The following RUNDC3B variants were observed in gnomAD, a reference collection of about 807,000 sequenced individuals.
RUNDC3B encodes the protein RUN domain containing 3B, also known as RUN domain-containing protein 3B.
In RUNDC3B, 33 loss-of-function variants were observed where a neutral mutation model predicts 58.4. The observed-to-expected ratio is 0.56, with a 90% CI of 0.43 to 0.75. RUNDC3B has a LOEUF of 0.75. Ranked by LOEUF, RUNDC3B falls within the 30% of genes least tolerant of loss-of-function variation. The pLI, the probability that RUNDC3B is intolerant of heterozygous loss-of-function variation, is 0.00. For synonymous variants in RUNDC3B, 193 were observed against 195.2 expected, an observed-to-expected ratio of 0.99 and a Z score of 0.10; for missense variants, 501 against 535.7, an observed-to-expected ratio of 0.94 and a Z score of 0.64.
intron 2 of RUNDC3B, among the ~76,000 whole-genome samples, chr7:87,681,007 G>A (rs1386636893): frequency 6.7e-6 from 1 of 150,122 alleles, no homozygotes; most frequent in Non-Finnish European, 1.5e-5. Flanking sequence ...AAATGAGAAA[G>A]GATACAAATT....
rs938378776 is a variant in RUNDC3B at position 87,710,212 on chromosome 7, G to A, written c.373-358G>A. On this transcript the variant is annotated intron_variant, in intron 3 of 10. Transcript: ENST00000394654. Reference sequence around the variant, plus strand: ...CTCTGTTTTTCATGATTTATGAGAGGGCTCATTTTAATTAGTTTGTTGATT... The same window carrying A: ...CTCTGTTTTTCATGATTTATGAGAGAGCTCATTTTAATTAGTTTGTTGATT... Among the ~76,000 whole-genome samples the A allele has an allele frequency of 2.2e-4, 33 of 151,940 alleles. 2 individuals carry two copies. The highest frequency in any genetic ancestry group is 1.5e-5 in the Non-Finnish European group (1 of 67,968).
At chr7:87,642,984 T>C (rs1563096894) in intron 1 of RUNDC3B, among the ~76,000 whole-genome samples, 1 of 152,150 alleles carries the variant, frequency 6.6e-6, no homozygotes, top group Non-Finnish European at 1.5e-5. Flanking sequence ...CGCATGACCA[T>C]AGCCCACTGT....
At chr7:87,721,820 C>T (rs566404511) in intron 4 of RUNDC3B, among the ~76,000 whole-genome samples, 1 of 151,684 alleles carries the variant, frequency 6.6e-6, no homozygotes, top group African/African-American at 2.4e-5. Flanking sequence ...TCTCTGATCT[C>T]ATCTGTTTCT....
At chr7:87,660,281 T>C (rs939414183) in intron 2 of RUNDC3B, among the ~76,000 whole-genome samples, 2 of 152,132 alleles carry the variant, frequency 1.3e-5, no homozygotes, top group African/African-American at 4.8e-5. Flanking sequence ...TAATTCACTT[T>C]ATGCTTTCAA....
intron 2 of RUNDC3B, among the ~76,000 whole-genome samples, chr7:87,690,651 C>T (rs977454332): frequency 1.1e-4 from 17 of 152,046 alleles, no homozygotes; most frequent in South Asian, 2.1e-4. Flanking sequence ...TCTGTTGCTT[C>T]GCTGAAAAAT....
chr7:87,710,623 C>T lies in RUNDC3B; in HGVS notation c.426C>T (p.Ile142=). 4 of 1,600,670 alleles carry T rather than the reference C, an allele frequency of 2.5e-6. No individual in the cohort carries two copies. Among genetic ancestry groups the T allele is most frequent in the Non-Finnish European group, 3.4e-6 (4 of 1,171,500 alleles). ...TGGAAAAACATTTATCTGAATACAT[C>T]TCTACAGCTCTGAGAGACTTCAAAA... ...ALMEKHLSEY[I]STALRDFKTT... The change falls in exon 4 of 11, where the codon ATC becomes ATT. Residue 142 remains isoleucine, a synonymous_variant. Transcript: ENST00000394654.
chr7:87,708,253 T>G (rs1170233532), intron 3 of RUNDC3B, among the ~76,000 whole-genome samples: 1 of 152,074 alleles, frequency 6.6e-6, no homozygotes, highest in Non-Finnish European at 1.5e-5. Context: ...AGCAAGACTA[T>G]TCAAGAAGAT....
intron 4 of RUNDC3B, among the ~76,000 whole-genome samples, chr7:87,716,220 A>G (rs1164910759): frequency 1.3e-5 from 2 of 152,182 alleles, no homozygotes; most frequent in Non-Finnish European, 2.9e-5. Flanking sequence ...GAATGACATG[A>G]CTCCTGTCAC....
At chr7:87,743,323 C>A (rs1328669069) in intron 6 of RUNDC3B, among the ~76,000 whole-genome samples, 1 of 152,130 alleles carries the variant, frequency 6.6e-6, no homozygotes, top group African/African-American at 2.4e-5. Context: ...TTCCTCTGGG[C>A]AGATACCCAG....
chr7:87,757,164 G>C (rs1355751052), intron 6 of RUNDC3B, among the ~76,000 whole-genome samples: 4 of 152,010 alleles, frequency 2.6e-5, no homozygotes, highest in Non-Finnish European at 5.9e-5. Flanking sequence ...GAGCTCCTGA[G>C]ACATAGTTAC....
intron 8 of RUNDC3B, among the ~76,000 whole-genome samples, chr7:87,803,116 T>C (rs778607140): frequency 1.3e-5 from 2 of 152,200 alleles, no homozygotes; most frequent in Admixed American, 6.5e-5. Context: ...TTAGAAGATA[T>C]AGGAACTTTT....
intron 2 of RUNDC3B, among the ~76,000 whole-genome samples, chr7:87,676,398 A>G (rs1383073103): frequency 6.6e-6 from 1 of 151,366 alleles, no homozygotes; most frequent in Non-Finnish European, 1.5e-5. Context: ...AACAACAACA[A>G]CATTAAAAAA....
In RUNDC3B at chr7:87,714,444, A is replaced by G. The variant is rs192547195; in HGVS notation, c.458+3789A>G. 1.5e-3 allele frequency among the ~76,000 whole-genome samples: 236 copies of G among 152,314 alleles called. 1 individual carries two copies. Among genetic ancestry groups the G allele is most frequent in the African/African-American group, 3.6e-3 (150 of 41,568 alleles). On this transcript the variant is annotated intron_variant, in intron 4 of 10. Transcript: ENST00000394654. ...TAATTCTTTAACATAACATTTGTAT[A>G]TAGAAGTACAGTACATTTGTATGGA...
At chr7:87,735,114 C>A (rs539418922) in intron 4 of RUNDC3B, among the ~76,000 whole-genome samples, 1 of 152,098 alleles carries the variant, frequency 6.6e-6, no homozygotes, top group Non-Finnish European at 1.5e-5. Context: ...TTTTTTTCCC[C>A]TGTAACTCTG....
At chr7:87,677,835 C>G (rs958373867) in intron 2 of RUNDC3B, among the ~76,000 whole-genome samples, 3 of 152,092 alleles carry the variant, frequency 2.0e-5, no homozygotes, top group Non-Finnish European at 2.9e-5. Flanking sequence ...AACAACAGTT[C>G]AAGTGAATGC....
intron 9 of RUNDC3B, among the ~76,000 whole-genome samples, chr7:87,810,179 T>C (rs1414833277): frequency 6.6e-6 from 1 of 152,188 alleles, no homozygotes; most frequent in Non-Finnish European, 1.5e-5. Flanking sequence ...AGAAAAACTT[T>C]AGACAAATTA....
intron 4 of RUNDC3B, among the ~76,000 whole-genome samples, chr7:87,714,003 A>G (rs1830320903): frequency 6.6e-6 from 1 of 152,230 alleles, no homozygotes. Context: ...AGGAAGGAGT[A>G]AAGTATAAAA....
intron 3 of RUNDC3B, among the ~76,000 whole-genome samples, chr7:87,703,885 CTTTTTTTTTTTTTTTTTTTTTTTTTTTGG>C (rs772332935): frequency 3.8e-3 from 229 of 60,206 alleles, no homozygotes; most frequent in African/African-American, 0.01. Context: ...TCAGTTTTTT[CTTTTTTTTTTTTTTTTTTTTTTTTTTTGG>C]TTTTTTTTTT....
In RUNDC3B at chr7:87,807,353, C is replaced by T. The variant is rs1411669340; in HGVS notation, c.957-20C>T. The T allele has an allele frequency of 6.2e-7, 1 of 1,612,272 alleles. No individual in the cohort carries two copies. Among genetic ancestry groups the T allele is most frequent in the Non-Finnish European group, 8.5e-7 (1 of 1,178,900 alleles). On this transcript the variant is annotated intron_variant, in intron 8 of 10. Coordinates refer to ENST00000394654, the MANE Select transcript of RUNDC3B (RefSeq NM_001134405.2). ...GTAGAACAGTGAAGACAAAAGCACTCACCATCTTAATATTCACAGGACTGT... is the reference window on the plus strand; with the variant it reads ...GTAGAACAGTGAAGACAAAAGCACTTACCATCTTAATATTCACAGGACTGT...
Sources: gnomAD v4.1 joint callset for allele counts (sites outside exome capture counted in the v4.1 genomes callset) on GRCh38, gnomAD v4.1.1 for gene constraint, MANE v1.5 for transcripts, NCBI Gene and HGNC (gene_info 2026-07-23, HGNC 2026-07-21) for gene names.